SAMD5: variants seen among roughly 807,000 people sequenced by gnomAD.
SAMD5 encodes the protein sterile alpha motif domain containing 5, also known as sterile alpha motif domain-containing protein 5.
SAMD5 carries 13 observed loss-of-function variants against 11.3 expected under a neutral mutation model. The observed-to-expected ratio is 1.15, with a 90% confidence interval of 0.75 to 1.83. SAMD5 has a LOEUF of 1.83. Among genes scored for constraint, SAMD5 ranks in the 40% most tolerant of loss-of-function variants. The pLI is 0.00. For missense variants in SAMD5, 255 were observed against 239.1 expected (o/e 1.07, Z -0.44); for synonymous variants, 129 against 111.3 (o/e 1.16, Z -1.00).
chr6:147,583,650 G>A (rs1339063855), intron 1 of SAMD5, among the ~76,000 whole-genome samples: 1 of 152,104 alleles, frequency 6.6e-6, no homozygotes, highest in Non-Finnish European at 1.5e-5. Context: ...TTTTAATGCA[G>A]GAACCATCAG....
At chr6:147,765,910 C>T in the SAMD5 span, among the ~76,000 whole-genome samples, 4 of 151,944 alleles carry the variant, frequency 2.6e-5, no homozygotes, top group Non-Finnish European at 4.4e-5. Flanking sequence ...TCAAGAATCA[C>T]GCAGCATTTT....
chr6:147,888,396 A>G, the SAMD5 span, among the ~76,000 whole-genome samples: 2 of 152,078 alleles, frequency 1.3e-5, no homozygotes, highest in African/African-American at 4.8e-5. Context: ...ACTGAGCCTT[A>G]ATTTTGAAAG....
chr6:147,924,179 C>A, the SAMD5 span, among the ~76,000 whole-genome samples: 1 of 152,122 alleles, frequency 6.6e-6, no homozygotes, highest in Non-Finnish European at 1.5e-5. Flanking sequence ...AGTTTGCTCA[C>A]TCAGCCTTAT....
At chr6:147,917,656 G>A in the SAMD5 span, among the ~76,000 whole-genome samples, 3 of 152,164 alleles carry the variant, frequency 2.0e-5, no homozygotes, top group African/African-American at 7.2e-5. Context: ...GAATGGTATT[G>A]CCTAGGTTTT....
chr6:147,641,983 T>C (rs1790319294), intron 1 of SAMD5, among the ~76,000 whole-genome samples: 1 of 152,204 alleles, frequency 6.6e-6, no homozygotes, highest in African/African-American at 2.4e-5. Context: ...AGATGTTTGA[T>C]TTATTTTCCT....
At chr6:147,941,409 G>A in the SAMD5 span, among the ~76,000 whole-genome samples, 2 of 152,178 alleles carry the variant, frequency 1.3e-5, no homozygotes, top group Non-Finnish European at 2.9e-5. Flanking sequence ...GTATGAAGCT[G>A]GAACCCTCCC....
intron 1 of SAMD5, among the ~76,000 whole-genome samples, chr6:147,716,574 T>G (rs779476167): frequency 4.6e-5 from 7 of 152,154 alleles, no homozygotes; most frequent in Non-Finnish European, 1.0e-4. Flanking sequence ...CCAGGGAATG[T>G]GAAGCTCCTG....
At chr6:147,777,034 C>A in the SAMD5 span, among the ~76,000 whole-genome samples, 1 of 152,212 alleles carries the variant, frequency 6.6e-6, no homozygotes, top group South Asian at 2.1e-4. Context: ...TAGTTTCCAT[C>A]AGCACCCTGT....
chr6:147,577,528 A>G (rs1034143409), intron 1 of SAMD5, among the ~76,000 whole-genome samples: 6 of 151,934 alleles, frequency 3.9e-5, no homozygotes, highest in Non-Finnish European at 7.4e-5. Context: ...GGAACCTACA[A>G]CTAAATGAAT....
rs141024837 is a variant in SAMD5 at position 147,541,577 on chromosome 6, G to A, written c.460-22817G>A. Among the ~76,000 whole-genome samples, 103 of 152,192 alleles carry A rather than the reference G, an allele frequency of 6.8e-4. 3 individuals carry two copies. The East Asian group carries it at 0.019, about 28-fold the overall frequency. ...AGTTACCCAGAGAGACAGGCCTGTT[G>A]AGCCTTCTTTAGGACTCATTGAATG... On this transcript the variant is annotated intron_variant, in intron 1 of 1. Transcript: ENST00000367474.
At chr6:147,738,380 G>A (rs1023242634), downstream of SAMD5, among the ~76,000 whole-genome samples, 8 of 152,098 alleles carry the variant, frequency 5.3e-5, no homozygotes, top group African/African-American at 1.9e-4. Flanking sequence ...TTCAAAATTG[G>A]TCTCTGGAAT....
At chr6:147,909,620 C>CT in the SAMD5 span, among the ~76,000 whole-genome samples, 3 of 67,362 alleles carry the variant, frequency 4.5e-5, no homozygotes, top group East Asian at 1.0e-3. Context: ...TTCTTTCTTT[C>CT]TTTCTTTCTT....
chr6:147,789,033 C>T, the SAMD5 span, among the ~76,000 whole-genome samples: 1 of 150,720 alleles, frequency 6.6e-6, no homozygotes, highest in Admixed American at 6.6e-5. Context: ...GCAGTGAGCC[C>T]AGATCACGCC....
At chr6:147,852,908 T>A in the SAMD5 span, among the ~76,000 whole-genome samples, 1 of 152,350 alleles carries the variant, frequency 6.6e-6, no homozygotes, top group East Asian at 1.9e-4. Context: ...TTTTAAAGCA[T>A]AAGTGCCATA....
At chr6:147,796,370 T>C in the SAMD5 span, among the ~76,000 whole-genome samples, 2 of 152,088 alleles carry the variant, frequency 1.3e-5, no homozygotes, top group Non-Finnish European at 2.9e-5. Flanking sequence ...AAAGATCAGA[T>C]AGTTGTAGAT....
the SAMD5 span, among the ~76,000 whole-genome samples, chr6:147,765,122 A>G: frequency 6.6e-6 from 1 of 152,190 alleles, no homozygotes; most frequent in Non-Finnish European, 1.5e-5. Context: ...AGAAAGGTGT[A>G]TTTAAGAACA....
chr6:147,775,713 G>A, the SAMD5 span, among the ~76,000 whole-genome samples: 1 of 152,170 alleles, frequency 6.6e-6, no homozygotes, highest in Non-Finnish European at 1.5e-5. Flanking sequence ...AGGATCATTG[G>A]TTTGAGTGTC....
chr6:147,671,995 G>C (rs1446791097), intron 1 of SAMD5, among the ~76,000 whole-genome samples: 1 of 131,952 alleles, frequency 7.6e-6, no homozygotes, highest in Non-Finnish European at 1.6e-5. Flanking sequence ...TGGGGATTTT[G>C]TTGCAGTCTG....
At chr6:147,913,576 A>T in the SAMD5 span, among the ~76,000 whole-genome samples, 2 of 152,138 alleles carry the variant, frequency 1.3e-5, no homozygotes, top group Admixed American at 6.5e-5. Context: ...CATGCCTGTT[A>T]TCCCAGCTAC....
Sources: gnomAD v4.1 joint callset for allele counts (sites outside exome capture counted in the v4.1 genomes callset) on GRCh38, gnomAD v4.1.1 for gene constraint, MANE v1.5 for transcripts, NCBI Gene and HGNC (gene_info 2026-07-23, HGNC 2026-07-21) for gene names.